TP63: variants seen among roughly 807,000 people sequenced by gnomAD.
TP63 encodes the protein tumor protein p63, also known as tumor protein 63.
In TP63, 17 loss-of-function variants were observed where a neutral mutation model predicts 82.8. The ratio of observed to expected loss-of-function variants is 0.21; its 90% CI spans 0.14 to 0.31. The LOEUF is 0.31. Among genes scored for constraint, TP63 ranks in the 10% least tolerant of loss-of-function variants. TP63 has a pLI of 1.00. For synonymous variants in TP63, 330 were observed against 321.7 expected, an observed-to-expected ratio of 1.03 and a Z score of -0.28; for missense variants, 648 against 895.3, an observed-to-expected ratio of 0.72 and a Z score of 3.52.
intron 4 of TP63, among the ~76,000 whole-genome samples, chr3:189,840,478 G>C (rs1713909918): frequency 7.3e-6 from 1 of 137,052 alleles, no homozygotes; most frequent in Admixed American, 7.5e-5. Context: ...GTGTGTGTGT[G>C]TTTATGAGAG....
At chr3:189,831,738 T>A (rs1385167045) in intron 4 of TP63, among the ~76,000 whole-genome samples, 1 of 151,636 alleles carries the variant, frequency 6.6e-6, no homozygotes, top group East Asian at 1.9e-4. Flanking sequence ...TGATAAGTAG[T>A]AGGTTTTGAT....
chr3:189,860,808 C>A (rs73199773), intron 4 of TP63, among the ~76,000 whole-genome samples: 8,442 of 152,224 alleles, frequency 0.055, 310 homozygotes, highest in Middle Eastern at 0.14. Flanking sequence ...CTGGGAATAT[C>A]ACTTTTGTTG....
At position 189,689,763 on chromosome 3, in the gene TP63, G is replaced by A. The variant is rs11915575; in HGVS notation, c.63-47977G>A. On this transcript the variant is annotated intron_variant, in intron 1 of 13. Transcript: ENST00000264731. ...AATTGTCTTAAGGCCATACATAAGA[G>A]GAGTTTCTGTCTTGACTTGTTGGGA... Among the ~76,000 whole-genome samples, 222 of 152,274 alleles carry A rather than the reference G, an allele frequency of 1.5e-3. 1 individual carries two copies. Among genetic ancestry groups the A allele is most frequent in the African/African-American group, 5.1e-3 (210 of 41,542 alleles).
At chr3:189,802,079 C>G (rs1303890679) in intron 3 of TP63, among the ~76,000 whole-genome samples, 2 of 152,006 alleles carry the variant, frequency 1.3e-5, no homozygotes, top group East Asian at 3.9e-4. Context: ...TAAAAGAAAC[C>G]ATCATTCTCT....
chr3:189,676,188 C>A (rs1332805270), intron 1 of TP63, among the ~76,000 whole-genome samples: 6 of 152,028 alleles, frequency 3.9e-5, no homozygotes, highest in Non-Finnish European at 2.9e-5. Context: ...AAGTTCTACT[C>A]TCTTAGCAAG....
At chr3:189,723,188 A>C (rs1300479701) in intron 1 of TP63, among the ~76,000 whole-genome samples, 1 of 152,154 alleles carries the variant, frequency 6.6e-6, no homozygotes, top group African/African-American at 2.4e-5. Flanking sequence ...TGATATAGTT[A>C]CTACTGGATT....
Position 189,886,397 on chromosome 3 carries a change from C to G in TP63, c.1353C>G (p.Thr451=). Residue 451 remains threonine (T), a synonymous_variant, in exon 11 of 14, where the codon ACC becomes ACG. Coordinates refer to ENST00000264731, the MANE Select transcript of TP63 (RefSeq NM_003722.5). ...ATTTCCATGTTTGTCTTCCTAGGAC[C>G]TCAATACAGTCTCCATCTTCATATG... is the stretch of plus-strand genomic sequence containing the variant. ...QQHQHLLQKQ[T]SIQSPSSYGN... is the part of the protein sequence containing the mutation. 6.2e-7 allele frequency: 1 copy of G among 1,613,990 alleles called. No homozygotes were observed. The highest frequency in any genetic ancestry group is 8.5e-7 in the Non-Finnish European group (1 of 1,179,964).
intron 1 of TP63, among the ~76,000 whole-genome samples, chr3:189,679,468 T>A (rs932238900): frequency 3.9e-5 from 6 of 152,126 alleles, no homozygotes; most frequent in Non-Finnish European, 7.4e-5. Flanking sequence ...TGCCCATTTT[T>A]AAATTAGATT....
rs1326933473 is a variant in TP63 at position 189,771,758 on chromosome 3, GTAAA to G, written c.324+32986_324+32989del. Among the ~76,000 whole-genome samples the G allele has an allele frequency of 5.9e-5, 9 of 152,030 alleles. No individual in the cohort carries two copies. The East Asian group carries it at 1.7e-3, about 29-fold the overall frequency. ...TCTTGGCTCTCATTTGGATAAAGCA[GTAAA>G]TGTCTGAGCAGTGTCTGCTAATGTC... On this transcript the variant is annotated intron_variant, in intron 3 of 13. Coordinates refer to ENST00000264731, the MANE Select transcript of TP63 (RefSeq NM_003722.5).
At chr3:189,707,396 C>A (rs67814458) in intron 1 of TP63, among the ~76,000 whole-genome samples, 37,098 of 151,872 alleles carry the variant, frequency 0.24, 4,856 homozygotes, top group African/African-American at 0.32. Flanking sequence ...ATATTATAAA[C>A]CCAAACTTTT....
intron 1 of TP63, among the ~76,000 whole-genome samples, chr3:189,642,636 G>A (rs1322349825): frequency 6.6e-6 from 1 of 151,926 alleles, no homozygotes; most frequent in South Asian, 2.1e-4. Context: ...TTGTACAAAT[G>A]ACTTAAGACA....
chr3:189,653,884 T>A (rs938147470), intron 1 of TP63, among the ~76,000 whole-genome samples: 2 of 152,188 alleles, frequency 1.3e-5, no homozygotes, highest in African/African-American at 4.8e-5. Flanking sequence ...TTTCTTACTG[T>A]TTGTTATCTT....
At chr3:189,774,687 T>C (rs754591569) in intron 3 of TP63, among the ~76,000 whole-genome samples, 18 of 152,224 alleles carry the variant, frequency 1.2e-4, no homozygotes, top group Non-Finnish European at 2.1e-4. Context: ...GTTATCCCTA[T>C]TTAATAATTG....
chr3:189,734,286 C>G (rs965068241), intron 1 of TP63, among the ~76,000 whole-genome samples: 4 of 151,630 alleles, frequency 2.6e-5, no homozygotes, highest in Middle Eastern at 3.4e-3. Flanking sequence ...ATTCTCCTGC[C>G]TCAGCCTCTC....
At chr3:189,860,714 A>G (rs1205520461) in intron 4 of TP63, among the ~76,000 whole-genome samples, 3 of 152,210 alleles carry the variant, frequency 2.0e-5, no homozygotes, top group Admixed American at 2.0e-4. Context: ...GGTTTGCAGT[A>G]CAGATACAGT....
chr3:189,637,266 T>C (rs1729842552), intron 1 of TP63, among the ~76,000 whole-genome samples: 1 of 152,132 alleles, frequency 6.6e-6, no homozygotes, highest in African/African-American at 2.4e-5. Flanking sequence ...TTTTTTCTCA[T>C]CAGCGTTATA....
chr3:189,685,143 G>C (rs1468749281), intron 1 of TP63, among the ~76,000 whole-genome samples: 1 of 152,076 alleles, frequency 6.6e-6, no homozygotes, highest in Non-Finnish European at 1.5e-5. Context: ...TGTAACCAAA[G>C]ACAGAAATCA....
intron 13 of TP63, 94 bp downstream of exon 13, chr3:189,890,976 ATTTG>A: frequency 7.6e-7 from 1 of 1,323,964 alleles, no homozygotes; most frequent in South Asian, 1.3e-5. Context: ...TAGTTTAAAA[ATTTG>A]TTTTTGTCAT....
intron 1 of TP63, among the ~76,000 whole-genome samples, chr3:189,737,325 G>T (rs1028875413): frequency 4.6e-5 from 7 of 152,106 alleles, no homozygotes; most frequent in African/African-American, 1.7e-4. Flanking sequence ...CTTACATGCT[G>T]GTGGCAGAAT....
Sources: gnomAD v4.1 joint callset for allele counts (sites outside exome capture counted in the v4.1 genomes callset) on GRCh38, gnomAD v4.1.1 for gene constraint, MANE v1.5 for transcripts, NCBI Gene and HGNC (gene_info 2026-07-23, HGNC 2026-07-21) for gene names.